Variants in ACVR1 observed in about 807,000 individuals in gnomAD.
ACVR1 encodes activin receptor type-1.
A neutral mutation model predicts 57.1 loss-of-function variants in ACVR1; 38 were observed. The ratio of observed to expected loss-of-function variants is 0.67; its 90% CI spans 0.51 to 0.87. The LOEUF (loss-of-function observed/expected upper bound fraction) is 0.87. Ranked by LOEUF, ACVR1 falls within the 40% of genes least tolerant of loss-of-function variation. The probability of loss-of-function intolerance (pLI) is 0.00; values close to 1 mark genes in which losing one functional copy is unlikely to be tolerated. For missense variants in ACVR1, 463 were observed against 638.2 expected, an observed-to-expected ratio of 0.73 and a Z score of 2.96; for synonymous variants, 212 against 228.1, an observed-to-expected ratio of 0.93 and a Z score of 0.63.
At chr2:157,768,320 AT>A (rs1257168512) in intron 7 of ACVR1, among the ~76,000 whole-genome samples, 2 of 152,148 alleles carry the variant, frequency 1.3e-5, no homozygotes, top group Non-Finnish European at 2.9e-5. Flanking sequence ...AATAAAGAAA[AT>A]GTTTCTGCTT....
chr2:157,848,087 G>C (rs1323770831), intron 1 of ACVR1, among the ~76,000 whole-genome samples: 1 of 152,142 alleles, frequency 6.6e-6, no homozygotes, highest in Non-Finnish European at 1.5e-5. Context: ...AACTGAAAAA[G>C]GACACTGGGG....
chr2:157,864,142 G>A (rs375419274), intron 1 of ACVR1, among the ~76,000 whole-genome samples: 29 of 151,792 alleles, frequency 1.9e-4, no homozygotes, highest in African/African-American at 3.9e-4. Context: ...GATTACAGGC[G>A]TGAGCCACCG....
chr2:157,801,191 T>C (rs1574081479), intron 2 of ACVR1, among the ~76,000 whole-genome samples: 1 of 152,202 alleles, frequency 6.6e-6, no homozygotes, highest in East Asian at 1.9e-4. Context: ...CTGGTCTCTA[T>C]CTCAGTTCTC....
chr2:157,851,118 G>T (rs1030227102), intron 1 of ACVR1, among the ~76,000 whole-genome samples: 1 of 152,032 alleles, frequency 6.6e-6, no homozygotes, highest in Non-Finnish European at 1.5e-5. Flanking sequence ...GATAGAAATG[G>T]AATCCAATGC....
intron 3 of ACVR1, among the ~76,000 whole-genome samples, chr2:157,798,432 CTA>C (rs1687200967): frequency 6.7e-6 from 1 of 150,046 alleles, no homozygotes; most frequent in Admixed American, 6.7e-5. Flanking sequence ...AGATTATTAC[CTA>C]TATAGGTGCA....
intron 1 of ACVR1, among the ~76,000 whole-genome samples, chr2:157,831,746 G>A (rs149066702): frequency 6.6e-6 from 1 of 152,264 alleles, no homozygotes; most frequent in Non-Finnish European, 1.5e-5. Context: ...AGGATGATCA[G>A]GAGAGCCCAA....
chr2:157,749,493 TCAA>T (rs1254512720), intron 9 of ACVR1, among the ~76,000 whole-genome samples: 1 of 152,168 alleles, frequency 6.6e-6, no homozygotes, highest in Admixed American at 6.5e-5. Flanking sequence ...GAGACTTTTC[TCAA>T]CAATCCAAAC....
chr2:157,850,244 G>A (rs1689249447), intron 1 of ACVR1, among the ~76,000 whole-genome samples: 1 of 152,082 alleles, frequency 6.6e-6, no homozygotes, highest in Admixed American at 6.6e-5. Context: ...ACAAAACTTA[G>A]CTAGGTGTGG....
At position 157,737,098 on chromosome 2, in the gene ACVR1, G is replaced by C. The variant is rs774031962; in HGVS notation, c.*433C>G. 3.4e-6 allele frequency: 1 copy of C among 296,890 alleles called. No homozygotes were observed. Among genetic ancestry groups the C allele is most frequent in the Non-Finnish European group, 6.3e-6 (1 of 158,968 alleles). The allele number at this position is 296,890 out of a possible 1,614,324, so 18.4% of individuals were successfully genotyped here. ...TAACAGTGCAAGTAAGGAATGCAAA[G>C]AATTCCTAGTGCAATAAAGAAGAGA... On this transcript the variant is annotated 3_prime_UTR_variant, in exon 11 of 11. Coordinates refer to ENST00000434821, the MANE Select transcript of ACVR1 (RefSeq NM_001111067.4).
At chr2:157,832,477 T>A (rs542745513) in intron 1 of ACVR1, among the ~76,000 whole-genome samples, 1 of 152,158 alleles carries the variant, frequency 6.6e-6, no homozygotes, top group Admixed American at 6.5e-5. Context: ...AGGGGTGATA[T>A]GGGGTGGGAA....
At position 157,776,991 on chromosome 2, in the gene ACVR1, G is replaced by A. The variant is rs996261907; in HGVS notation, c.543+1140C>T. ...TCAAATTGGTATTGGCATGTCTCTT[G>A]CACTCACTTAACACCCACAAATCTC... On this transcript the variant is annotated intron_variant, in intron 5 of 10. Coordinates refer to ENST00000434821, the MANE Select transcript of ACVR1 (RefSeq NM_001111067.4). 3.9e-5 allele frequency among the ~76,000 whole-genome samples: 6 copies of A among 152,294 alleles called. No homozygotes were observed. The East Asian group carries it at 1.2e-3, about 29-fold the overall frequency.
At chr2:157,816,371 G>A (rs1220641926) in intron 2 of ACVR1, among the ~76,000 whole-genome samples, 1 of 151,344 alleles carries the variant, frequency 6.6e-6, no homozygotes, top group African/African-American at 2.4e-5. Flanking sequence ...AATACTTGAG[G>A]CCAGCAGTTC....
chr2:157,764,424 T>C (rs1685786677), intron 8 of ACVR1, among the ~76,000 whole-genome samples: 1 of 150,636 alleles, frequency 6.6e-6, no homozygotes, highest in Admixed American at 6.6e-5. Flanking sequence ...GCCAGGCTCA[T>C]CTTGAACTCC....
At chr2:157,764,640 G>GCAGTGT (rs1461034796) in intron 8 of ACVR1, among the ~76,000 whole-genome samples, 2 of 152,138 alleles carry the variant, frequency 1.3e-5, no homozygotes, top group East Asian at 3.9e-4. Context: ...CTGAGTGAAA[G>GCAGTGT]CAGTGTCAGC....
chr2:157,759,017 A>G (rs1685539444), intron 9 of ACVR1, among the ~76,000 whole-genome samples: 1 of 152,030 alleles, frequency 6.6e-6, no homozygotes, highest in Non-Finnish European at 1.5e-5. Context: ...GAAGTCTGTA[A>G]CAATAAATAC....
intron 1 of ACVR1, among the ~76,000 whole-genome samples, chr2:157,828,825 G>T (rs6731517): frequency 0.65 from 98,262 of 151,688 alleles, 37,397 homozygotes; most frequent in South Asian, 0.83. Context: ...AGAGTGCAGT[G>T]GCACAATCTT....
At chr2:157,840,279 A>G (rs1688933298) in intron 1 of ACVR1, among the ~76,000 whole-genome samples, 1 of 152,180 alleles carries the variant, frequency 6.6e-6, no homozygotes, top group Non-Finnish European at 1.5e-5. Flanking sequence ...ACAGAATGGC[A>G]GCCATTCCAT....
intron 3 of ACVR1, among the ~76,000 whole-genome samples, chr2:157,798,431 C>T (rs563089836): frequency 1.4e-4 from 21 of 150,238 alleles, no homozygotes; most frequent in Admixed American, 6.0e-4. Flanking sequence ...AAGATTATTA[C>T]CTATATAGGT....
intron 5 of ACVR1, among the ~76,000 whole-genome samples, chr2:157,774,747 T>C (rs1299752890): frequency 6.6e-6 from 1 of 152,240 alleles, no homozygotes; most frequent in Non-Finnish European, 1.5e-5. Context: ...TAAGTAGTCC[T>C]TTCTTATACA....
Sources: gnomAD v4.1 joint callset for allele counts (sites outside exome capture counted in the v4.1 genomes callset) on GRCh38, gnomAD v4.1.1 for gene constraint, MANE v1.5 for transcripts, NCBI Gene and HGNC (gene_info 2026-07-23, HGNC 2026-07-21) for gene names.